The following VKORC1L1 variants were observed in gnomAD, a reference collection of about 807,000 sequenced individuals.
The protein encoded by VKORC1L1 is vitamin K epoxide reductase complex subunit 1-like protein 1.
Under a neutral mutation model 18.9 loss-of-function variants are expected in VKORC1L1, and 2 were observed. That is an observed-to-expected ratio of 0.11 (90% confidence interval 0.04 to 0.33). VKORC1L1 has a LOEUF of 0.33. Among genes scored for constraint, VKORC1L1 ranks in the 10% least tolerant of loss-of-function variants. VKORC1L1 has a pLI of 1.00. For synonymous variants in VKORC1L1, 96 were observed against 100.0 expected (o/e 0.96, Z 0.24); for missense variants, 123 against 224.1 (o/e 0.55, Z 2.88).
At chr7:65,890,884 A>G (rs1325076125) in intron 1 of VKORC1L1, among the ~76,000 whole-genome samples, 1 of 152,202 alleles carries the variant, frequency 6.6e-6, no homozygotes, top group Non-Finnish European at 1.5e-5. Context: ...TATTTTACCT[A>G]TAAATGTATC....
At chr7:65,918,821 G>A (rs1017434652) in intron 1 of VKORC1L1, among the ~76,000 whole-genome samples, 1 of 152,182 alleles carries the variant, frequency 6.6e-6, no homozygotes, top group Admixed American at 6.5e-5. Flanking sequence ...CAGGCGGGAC[G>A]CGGTGGCTCC....
chr7:65,902,986 C>T (rs1789344417), intron 1 of VKORC1L1, among the ~76,000 whole-genome samples: 1 of 152,016 alleles, frequency 6.6e-6, no homozygotes, highest in Non-Finnish European at 1.5e-5. Context: ...CCTGCCTCAG[C>T]CTACTGAGTA....
Position 65,954,478 on chromosome 7 carries a change from G to A in VKORC1L1, c.*178G>A, listed in dbSNP as rs142194421. 1.5e-4 allele frequency: 169 copies of A among 1,111,420 alleles called. No homozygotes were observed. In the African/African-American group the frequency reaches 2.4e-3, roughly 16 times the overall value. 68.8% of individuals were successfully genotyped at this position (1,111,420 alleles called of 1,614,324 possible). ...GGGGCCCTCGCTATTTTCTGTGTCAGTCTTCATTTTAAATATGGATACAAA... is the reference window on the plus strand; with the variant it reads ...GGGGCCCTCGCTATTTTCTGTGTCAATCTTCATTTTAAATATGGATACAAA... On this transcript the variant is annotated 3_prime_UTR_variant, in exon 3 of 3. Coordinates refer to ENST00000360768, the MANE Select transcript of VKORC1L1 (RefSeq NM_173517.6).
At position 65,873,227 on chromosome 7, in the gene VKORC1L1, G is replaced by C; in HGVS notation, c.-145G>C. On this transcript the variant is annotated 5_prime_UTR_variant, in exon 1 of 3. Transcript: ENST00000360768. ...GGCGGGGCCCGGAGCAGGCCACCGA[G>C]CCAATGGGGCGCGGCGGCGGCGGCG... The C allele has an allele frequency of 9.4e-6, 9 of 955,512 alleles. No homozygotes were observed. The highest frequency in any genetic ancestry group is 1.1e-5 in the Non-Finnish European group (9 of 803,754). 59.2% of individuals were successfully genotyped at this position (955,512 alleles called of 1,614,324 possible). A position where few individuals can be genotyped will look rare whatever the true frequency, so the allele number is the denominator to read the frequency against.
intron 1 of VKORC1L1, among the ~76,000 whole-genome samples, chr7:65,894,408 CA>C (rs941305133): frequency 6.6e-6 from 1 of 152,072 alleles, no homozygotes; most frequent in Non-Finnish European, 1.5e-5. Context: ...TAAAGGTTTG[CA>C]CATTTTCCAA....
intron 1 of VKORC1L1, among the ~76,000 whole-genome samples, chr7:65,910,075 AG>A (rs1789478776): frequency 6.6e-6 from 1 of 152,018 alleles, no homozygotes; most frequent in African/African-American, 2.4e-5. Flanking sequence ...CTTCCTCGTA[AG>A]GAAGTATTAA....
At chr7:65,892,638 T>A (rs1396984156) in intron 1 of VKORC1L1, among the ~76,000 whole-genome samples, 1 of 152,218 alleles carries the variant, frequency 6.6e-6, no homozygotes, top group South Asian at 2.1e-4. Flanking sequence ...AGATCAACAA[T>A]CTCTGGAATT....
At chr7:65,875,022 T>TG (rs1788802465) in intron 1 of VKORC1L1, among the ~76,000 whole-genome samples, 1 of 152,172 alleles carries the variant, frequency 6.6e-6, no homozygotes, top group Admixed American at 6.6e-5. Context: ...GAATTTAATA[T>TG]GTTGTGACTG....
At position 65,873,102 on chromosome 7, in the gene VKORC1L1, G is replaced by A. The variant is rs1472017080; in HGVS notation, c.-270G>A. On this transcript the variant is annotated 5_prime_UTR_variant, in exon 1 of 3. Coordinates refer to ENST00000360768, the MANE Select transcript of VKORC1L1 (RefSeq NM_173517.6). ...CTCCGCCCGCCGATCCGGCCTCTTC[G>A]GCCGTTGCGCACTCCACCCCCTCCC... 6.7e-6 allele frequency among the ~76,000 whole-genome samples: 1 copy of A among 149,002 alleles called. No homozygotes were observed. The highest frequency in any genetic ancestry group is 6.7e-5 in the Admixed American group (1 of 14,978).
rs183799461 is a variant in VKORC1L1 at position 65,887,861 on chromosome 7, G to A, written c.194+14296G>A. Among the ~76,000 whole-genome samples the A allele has an allele frequency of 3.9e-3, 586 of 151,384 alleles. 6 individuals carry two copies. The highest frequency in any genetic ancestry group is 0.013 in the African/African-American group (556 of 41,292). On this transcript the variant is annotated intron_variant, in intron 1 of 2. Transcript: ENST00000360768. Reference sequence around the variant, plus strand: ...AAGCAACAAATAACAGGATTGCTTCGCAATATGTATCACCATATTTCCCTC... The same window carrying A: ...AAGCAACAAATAACAGGATTGCTTCACAATATGTATCACCATATTTCCCTC...
intron 2 of VKORC1L1, 63 bp downstream of exon 2, chr7:65,948,843 C>T: frequency 1.4e-6 from 2 of 1,382,566 alleles, no homozygotes; most frequent in East Asian, 2.4e-5. Context: ...GTGTCTTTGC[C>T]CTGAAGTGTC....
chr7:65,882,944 AAC>A (rs1201814748), intron 1 of VKORC1L1, among the ~76,000 whole-genome samples: 1 of 152,212 alleles, frequency 6.6e-6, no homozygotes, highest in African/African-American at 2.4e-5. Flanking sequence ...CTATTTAAAA[AAC>A]ACACACAAAA....
intron 1 of VKORC1L1, among the ~76,000 whole-genome samples, chr7:65,892,617 C>T (rs1789127161): frequency 6.6e-6 from 1 of 152,052 alleles, no homozygotes; most frequent in South Asian, 2.1e-4. Flanking sequence ...ACTGTTTTGC[C>T]TTTCTCATTT....
At chr7:65,895,649 T>A (rs917818454) in intron 1 of VKORC1L1, among the ~76,000 whole-genome samples, 1 of 150,962 alleles carries the variant, frequency 6.6e-6, no homozygotes, top group Non-Finnish European at 1.5e-5. Flanking sequence ...ACAAAAATTA[T>A]GAAAATCTGT....
At chr7:65,893,141 ATT>A (rs1335128516) in intron 1 of VKORC1L1, among the ~76,000 whole-genome samples, 1 of 152,156 alleles carries the variant, frequency 6.6e-6, no homozygotes, top group East Asian at 1.9e-4. Context: ...CTTCTCACTC[ATT>A]TTTTTAATCT....
At chr7:65,891,654 TTTTA>T in intron 1 of VKORC1L1, among the ~76,000 whole-genome samples, 1 of 152,318 alleles carries the variant, frequency 6.6e-6, no homozygotes, top group East Asian at 1.9e-4. Flanking sequence ...ACAGAATTTT[TTTTA>T]TTTTTGTTTT....
chr7:65,888,591 C>T (rs904900304), intron 1 of VKORC1L1, among the ~76,000 whole-genome samples: 10 of 152,134 alleles, frequency 6.6e-5, no homozygotes, highest in African/African-American at 2.4e-4. Flanking sequence ...CCTCTTCTAC[C>T]GAAGCTGCAG....
intron 1 of VKORC1L1, among the ~76,000 whole-genome samples, chr7:65,911,430 G>C (rs1789500882): frequency 6.6e-6 from 1 of 152,102 alleles, no homozygotes; most frequent in Non-Finnish European, 1.5e-5. Context: ...CACATAACTT[G>C]ATTCTGCCAT....
At chr7:65,867,956 C>T in the VKORC1L1 span, among the ~76,000 whole-genome samples, 1 of 152,204 alleles carries the variant, frequency 6.6e-6, no homozygotes, top group Admixed American at 6.5e-5. Context: ...AAGTGATTCT[C>T]CTGCCTCAGC....
Sources: gnomAD v4.1 joint callset for allele counts (sites outside exome capture counted in the v4.1 genomes callset) on GRCh38, gnomAD v4.1.1 for gene constraint, MANE v1.5 for transcripts, NCBI Gene and HGNC (gene_info 2026-07-23, HGNC 2026-07-21) for gene names.